PKIB: variants seen among roughly 807,000 people sequenced by gnomAD.
PKIB encodes PKI-beta.
In PKIB, 2 loss-of-function variants were observed where a neutral mutation model predicts 4.5. The observed-to-expected ratio is 0.44, with a 90% confidence interval of 0.18 to 1.39. The LOEUF is 1.39. Among genes scored for constraint, PKIB ranks in the 40% most tolerant of loss-of-function variants. PKIB has a pLI of 0.27. For synonymous variants in PKIB, 38 were observed against 36.0 expected, an observed-to-expected ratio of 1.06 and a Z score of -0.20; for missense variants, 94 against 92.6, an observed-to-expected ratio of 1.02 and a Z score of -0.06.
chr6:122,644,059 G>A (rs1776219346), intron 2 of PKIB: 1 of 151,926 alleles, frequency 6.6e-6, no homozygotes, highest in Non-Finnish European at 1.5e-5. Flanking sequence ...TTTTCATATC[G>A]TGTGAGCTGA....
intron 2 of PKIB, among the ~76,000 whole-genome samples, chr6:122,578,606 G>A (rs1773615654): frequency 6.6e-6 from 1 of 152,018 alleles, no homozygotes; most frequent in African/African-American, 2.4e-5. Context: ...CATTTCCGCA[G>A]TCACTACCCT....
chr6:122,536,518 G>C (rs1461136214), intron 2 of PKIB, among the ~76,000 whole-genome samples: 2 of 152,146 alleles, frequency 1.3e-5, no homozygotes, highest in Non-Finnish European at 2.9e-5. Context: ...AAAGAAACTT[G>C]CCTATTCTTT....
At chr6:122,573,521 C>CAAA (rs61014475) in intron 2 of PKIB, among the ~76,000 whole-genome samples, 1 of 87,580 alleles carries the variant, frequency 1.1e-5, no homozygotes. Context: ...GACTCTGTCT[C>CAAA]AAAAAAAAAA....
In PKIB at chr6:122,576,710, A is replaced by ATATATATATATATT. The variant is rs59569106; in HGVS notation, c.-247-9210_-247-9209insATATATATATATTT. 2.2e-3 allele frequency among the ~76,000 whole-genome samples: 242 copies of ATATATATATATATT among 109,910 alleles called. 1 individual carries two copies. The highest frequency in any genetic ancestry group is 3.3e-3 in the Non-Finnish European group (188 of 57,328). 72.1% of individuals were successfully genotyped at this position (109,910 alleles called of 152,430 possible). A position where few individuals can be genotyped will look rare whatever the true frequency, so the allele number is the denominator to read the frequency against. On this transcript the variant is annotated intron_variant, in intron 2 of 6. Coordinates refer to the PKIB transcript ENST00000392491. ...AAAAAATATATATATATATATATAT[A>ATATATATATATATT]TTTTCTTTTGTATAATTATACCTCA...
chr6:122,726,066 TAGCA>T lies in PKIB; in HGVS notation c.*872_*875del, dbSNP rs1478055575. 6.6e-6 allele frequency: 1 copy of T among 152,122 alleles called. No individual in the cohort carries two copies. The highest frequency in any genetic ancestry group is 6.5e-5 in the Admixed American group (1 of 15,278). 9.4% of individuals were successfully genotyped at this position (152,122 alleles called of 1,614,324 possible). On this transcript the variant is annotated 3_prime_UTR_variant, in exon 5 of 5. Coordinates refer to ENST00000368452, the MANE Select transcript of PKIB (RefSeq NM_181795.3). ...TTATATTTTTTTAAAGTAGCTAACA[TAGCA>T]GTAGGCACTTAAGCATTTAGTCAAT...
At chr6:122,614,930 T>C (rs1443327850) in intron 1 of PKIB, among the ~76,000 whole-genome samples, 1 of 152,156 alleles carries the variant, frequency 6.6e-6, no homozygotes, top group Non-Finnish European at 1.5e-5. Context: ...CCAGGTATAA[T>C]ATTAAATTTT....
At chr6:122,586,681 C>T (rs563442795) in intron 3 of PKIB, among the ~76,000 whole-genome samples, 45 of 152,168 alleles carry the variant, frequency 3.0e-4, no homozygotes, top group Admixed American at 8.5e-4. Context: ...TTCTTTATTT[C>T]GCATGTGTGT....
At chr6:122,658,110 ATAT>A (rs1373505310) in intron 2 of PKIB, among the ~76,000 whole-genome samples, 1 of 152,204 alleles carries the variant, frequency 6.6e-6, no homozygotes, top group Non-Finnish European at 1.5e-5. Context: ...ATAATTTAAA[ATAT>A]TATGTACTTT....
chr6:122,524,495 T>C (rs1164798306), intron 2 of PKIB, among the ~76,000 whole-genome samples: 1 of 152,130 alleles, frequency 6.6e-6, no homozygotes, highest in African/African-American at 2.4e-5. Flanking sequence ...TAATGCCTCA[T>C]AGAAGAATCT....
intron 2 of PKIB, among the ~76,000 whole-genome samples, chr6:122,656,056 G>A (rs1776766348): frequency 6.6e-6 from 1 of 151,702 alleles, no homozygotes; most frequent in Non-Finnish European, 1.5e-5. Flanking sequence ...TGTTTGTCTG[G>A]GTGTGATATA....
At chr6:122,688,158 T>C (rs1301870159) in intron 3 of PKIB, among the ~76,000 whole-genome samples, 1 of 152,202 alleles carries the variant, frequency 6.6e-6, no homozygotes, top group African/African-American at 2.4e-5. Flanking sequence ...GTTTTTATCA[T>C]GAAAGGATGT....
exon 1 of PKIB, chr6:122,471,931 G>T (rs943656973): frequency 1.6e-6 from 2 of 1,259,380 alleles, no homozygotes; most frequent in African/African-American, 1.5e-5. Flanking sequence ...GCGCATGCGC[G>T]TCACTAGACG....
At chr6:122,657,996 T>G (rs1171057769) in intron 2 of PKIB, among the ~76,000 whole-genome samples, 1 of 152,348 alleles carries the variant, frequency 6.6e-6, no homozygotes. Flanking sequence ...TGGATTAAGC[T>G]CTTTATATCA....
chr6:122,496,375 G>A (rs1317152322), intron 2 of PKIB, among the ~76,000 whole-genome samples: 1 of 152,144 alleles, frequency 6.6e-6, no homozygotes, highest in African/African-American at 2.4e-5. Flanking sequence ...TTCAGAAATG[G>A]TCTCTAACCA....
At chr6:122,479,678 A>C (rs1460588501) in intron 2 of PKIB, 3 of 152,058 alleles carry the variant, frequency 2.0e-5, no homozygotes, top group African/African-American at 7.2e-5. Flanking sequence ...TTATTTAAAG[A>C]TTTTCCTTTG....
At chr6:122,619,350 A>G (rs962338922) in intron 1 of PKIB, among the ~76,000 whole-genome samples, 2 of 152,052 alleles carry the variant, frequency 1.3e-5, no homozygotes, top group Non-Finnish European at 2.9e-5. Context: ...TAAAATTTTA[A>G]TCCATTGGCA....
intron 2 of PKIB, among the ~76,000 whole-genome samples, chr6:122,502,069 C>G (rs1364212171): frequency 1.3e-5 from 2 of 151,738 alleles, no homozygotes; most frequent in African/African-American, 4.8e-5. Context: ...TCTCTTGCCT[C>G]AGCCTCCCAA....
intron 3 of PKIB, among the ~76,000 whole-genome samples, chr6:122,681,761 C>G (rs1777904399): frequency 6.6e-6 from 1 of 152,128 alleles, no homozygotes; most frequent in South Asian, 2.1e-4. Flanking sequence ...CTTTTCCATC[C>G]CAGCCACATT....
chr6:122,591,268 T>G (rs1001437252), intron 3 of PKIB, among the ~76,000 whole-genome samples: 4 of 151,824 alleles, frequency 2.6e-5, no homozygotes, highest in Non-Finnish European at 5.9e-5. Context: ...GTTTTCTAAC[T>G]ATATGCCTTT....
Sources: gnomAD v4.1 joint callset for allele counts (sites outside exome capture counted in the v4.1 genomes callset) on GRCh38, gnomAD v4.1.1 for gene constraint, MANE v1.5 for transcripts, NCBI Gene and HGNC (gene_info 2026-07-23, HGNC 2026-07-21) for gene names.